Variants in MDGA2 observed in about 807,000 individuals in gnomAD.
The protein encoded by MDGA2 is MAM domain containing glycosylphosphatidylinositol anchor 2, also known as MAM domain-containing glycosylphosphatidylinositol anchor protein 2.
MDGA2 carries 40 observed loss-of-function variants against 117.8 expected under a neutral mutation model. That is an observed-to-expected ratio of 0.34 (90% confidence interval 0.26 to 0.44). The LOEUF (loss-of-function observed/expected upper bound fraction) is 0.44. MDGA2 is among the 20% of genes least tolerant of loss of function. The pLI is 1.00. For synonymous variants in MDGA2, 452 were observed against 439.0 expected, an observed-to-expected ratio of 1.03 and a Z score of -0.37; for missense variants, 1,123 against 1,250.6, an observed-to-expected ratio of 0.90 and a Z score of 1.54.
intron 8 of MDGA2, among the ~76,000 whole-genome samples, chr14:46,987,379 G>A (rs1007767240): frequency 6.6e-6 from 1 of 152,086 alleles, no homozygotes; most frequent in South Asian, 2.1e-4. Context: ...ACACAAAAAT[G>A]TCTAATGTAC....
At chr14:47,131,482 G>T (rs1882201024) in intron 5 of MDGA2, among the ~76,000 whole-genome samples, 1 of 151,854 alleles carries the variant, frequency 6.6e-6, no homozygotes. Context: ...ATACTTTAAA[G>T]AGCTATAATT....
intron 3 of MDGA2, among the ~76,000 whole-genome samples, chr14:47,145,327 A>C (rs1882897582): frequency 6.6e-6 from 1 of 152,148 alleles, no homozygotes; most frequent in Admixed American, 6.6e-5. Context: ...AAGCAGCAAA[A>C]CACAATAGGT....
At chr14:47,142,574 C>T (rs1018881477) in intron 4 of MDGA2, among the ~76,000 whole-genome samples, 3 of 152,066 alleles carry the variant, frequency 2.0e-5, no homozygotes, top group African/African-American at 7.2e-5. Context: ...AACATGTTTT[C>T]TAAATCTTAA....
chr14:47,280,343 A>AAAAAAAAAG (rs1555369475), intron 2 of MDGA2, among the ~76,000 whole-genome samples: 6 of 137,246 alleles, frequency 4.4e-5, no homozygotes, highest in Non-Finnish European at 7.9e-5. Context: ...AAAAAAAAAA[A>AAAAAAAAAG]AGAGAGATTG....
chr14:47,338,710 T>C (rs1251927521), intron 1 of MDGA2, among the ~76,000 whole-genome samples: 1 of 152,086 alleles, frequency 6.6e-6, no homozygotes, highest in Non-Finnish European at 1.5e-5. Context: ...ACAATTGCTT[T>C]CTTTGGAAAT....
At chr14:46,929,641 A>T (rs1341750532) in intron 9 of MDGA2, among the ~76,000 whole-genome samples, 1,656 of 20,534 alleles carry the variant, frequency 0.081, 352 homozygotes, top group Non-Finnish European at 0.1. Context: ...ATATATATAT[A>T]TATATACATT....
At chr14:47,129,436 G>T (rs562516564) in intron 5 of MDGA2, among the ~76,000 whole-genome samples, 9 of 151,938 alleles carry the variant, frequency 5.9e-5, no homozygotes, top group Admixed American at 2.6e-4. Flanking sequence ...CTTTTTTATG[G>T]CTGCATAGTA....
intron 6 of MDGA2, among the ~76,000 whole-genome samples, chr14:47,064,209 G>A (rs551585938): frequency 2.2e-4 from 33 of 151,946 alleles, no homozygotes; most frequent in Non-Finnish European, 2.9e-4. Context: ...AACTCATAGC[G>A]AAAAACATTG....
chr14:47,574,877 G>C (rs149934939), intron 1 of MDGA2, among the ~76,000 whole-genome samples: 28 of 152,284 alleles, frequency 1.8e-4, no homozygotes, highest in African/African-American at 5.8e-4. Flanking sequence ...TCTGGCCCCA[G>C]AGTCTGTGCT....
At chr14:46,937,366 C>A (rs1156301709) in intron 9 of MDGA2, among the ~76,000 whole-genome samples, 2 of 151,798 alleles carry the variant, frequency 1.3e-5, no homozygotes, top group African/African-American at 4.8e-5. Context: ...AATACTGTTA[C>A]AATGACCACA....
chr14:46,883,025 C>T (rs1257620190), intron 10 of MDGA2, among the ~76,000 whole-genome samples: 1 of 151,960 alleles, frequency 6.6e-6, no homozygotes, highest in Non-Finnish European at 1.5e-5. Context: ...CAGATAATTT[C>T]ACAGCACAGT....
At chr14:47,579,997 T>C (rs1409532097) in intron 1 of MDGA2, among the ~76,000 whole-genome samples, 1 of 152,122 alleles carries the variant, frequency 6.6e-6, no homozygotes, top group Admixed American at 6.6e-5. Flanking sequence ...ATTATTATTC[T>C]TATATTACAG....
At chr14:47,012,706 T>C (rs1441260571) in intron 8 of MDGA2, among the ~76,000 whole-genome samples, 1 of 152,026 alleles carries the variant, frequency 6.6e-6, no homozygotes, top group Non-Finnish European at 1.5e-5. Flanking sequence ...CAGGAGGTCA[T>C]ATTTCAGTGG....
intron 1 of MDGA2, among the ~76,000 whole-genome samples, chr14:47,643,167 T>TACATAAC (rs1897461535): frequency 6.6e-6 from 1 of 152,114 alleles, no homozygotes; most frequent in Non-Finnish European, 1.5e-5. Flanking sequence ...AAGAGCCAAA[T>TACATAAC]ACATAACAGG....
chr14:47,536,548 C>T (rs543241133), intron 1 of MDGA2, among the ~76,000 whole-genome samples: 1 of 152,306 alleles, frequency 6.6e-6, no homozygotes, highest in Non-Finnish European at 1.5e-5. Context: ...TCACACCAAT[C>T]AACCATCATA....
At chr14:47,422,029 G>A (rs1241998537) in intron 1 of MDGA2, among the ~76,000 whole-genome samples, 1 of 151,928 alleles carries the variant, frequency 6.6e-6, no homozygotes, top group Non-Finnish European at 1.5e-5. Context: ...CCACTAAAAA[G>A]ACACTTTTAT....
intron 3 of MDGA2, among the ~76,000 whole-genome samples, chr14:47,217,475 G>A (rs773292293): frequency 6.6e-6 from 1 of 151,854 alleles, no homozygotes; most frequent in Non-Finnish European, 1.5e-5. Flanking sequence ...TTTTCAGGTG[G>A]CACAGCATTG....
intron 1 of MDGA2, among the ~76,000 whole-genome samples, chr14:47,554,077 T>C (rs1895639095): frequency 6.6e-6 from 1 of 152,164 alleles, no homozygotes; most frequent in Non-Finnish European, 1.5e-5. Flanking sequence ...TCACTCTCCA[T>C]TATGGAAGAG....
chr14:47,538,722 G>A (rs140672827), intron 1 of MDGA2, among the ~76,000 whole-genome samples: 2 of 152,090 alleles, frequency 1.3e-5, no homozygotes, highest in Non-Finnish European at 2.9e-5. Context: ...CTCTCCCACT[G>A]AACTCTAAGA....
Sources: allele counts gnomAD v4.1 joint callset (sites outside exome capture counted in the v4.1 genomes callset), GRCh38; gene constraint gnomAD v4.1.1; transcripts MANE v1.5; gene names NCBI Gene and HGNC (gene_info 2026-07-23, HGNC 2026-07-21).